Variants in CALCRL observed in about 807,000 individuals in gnomAD.
CALCRL encodes the protein calcitonin receptor like receptor, also known as calcitonin gene-related peptide type 1 receptor.
A neutral mutation model predicts 60.4 loss-of-function variants in CALCRL; 27 were observed. That is an observed-to-expected ratio of 0.45 (90% CI 0.33 to 0.62). The LOEUF is 0.62. Ranked by LOEUF, CALCRL falls within the 20% of genes least tolerant of loss-of-function variation. CALCRL has a pLI of 0.03. For missense variants in CALCRL, 424 were observed against 540.7 expected, an observed-to-expected ratio of 0.78 and a Z score of 2.14; for synonymous variants, 190 against 182.6, an observed-to-expected ratio of 1.04 and a Z score of -0.33.
At chr2:187,407,287 ATT>A (rs1196038912) in intron 1 of CALCRL, among the ~76,000 whole-genome samples, 2 of 152,114 alleles carry the variant, frequency 1.3e-5, no homozygotes, top group East Asian at 3.9e-4. Flanking sequence ...GATAATTAAC[ATT>A]GTTTTATACT....
intron 1 of CALCRL, among the ~76,000 whole-genome samples, chr2:187,394,998 G>C (rs949429227): frequency 6.6e-6 from 1 of 151,996 alleles, no homozygotes; most frequent in Non-Finnish European, 1.5e-5. Flanking sequence ...TTACATGCTA[G>C]ATATAAAAAA....
At chr2:187,428,043 A>G (rs1690226633) in intron 1 of CALCRL, among the ~76,000 whole-genome samples, 1 of 152,232 alleles carries the variant, frequency 6.6e-6, no homozygotes, top group African/African-American at 2.4e-5. Context: ...AATGCAAAGC[A>G]GAACAACTAT....
intron 5 of CALCRL, 114 bp from the exon 6 acceptor site, chr2:187,380,901 C>A (rs1687958737): frequency 5.0e-6 from 3 of 594,782 alleles, no homozygotes; most frequent in Non-Finnish European, 8.6e-6. Flanking sequence ...ACTGAAAATG[C>A]AGACATTATA....
At chr2:187,397,585 A>G (rs529051888) in intron 1 of CALCRL, among the ~76,000 whole-genome samples, 1 of 151,680 alleles carries the variant, frequency 6.6e-6, no homozygotes, top group African/African-American at 2.4e-5. Flanking sequence ...GTGCACTTGT[A>G]TTGCATGAAT....
intron 8 of CALCRL, among the ~76,000 whole-genome samples, chr2:187,374,034 G>A (rs1025668804): frequency 2.7e-4 from 41 of 152,022 alleles, no homozygotes; most frequent in African/African-American, 9.9e-4. Context: ...GGGTGTGGTG[G>A]TGTGTGCCTG....
At chr2:187,438,428 T>C (rs527727789) in intron 1 of CALCRL, among the ~76,000 whole-genome samples, 4 of 152,314 alleles carry the variant, frequency 2.6e-5, no homozygotes, top group African/African-American at 9.6e-5. Context: ...CTGACAAACA[T>C]GTCTGTTTAC....
chr2:187,363,164 A>G (rs1425396200), intron 9 of CALCRL, among the ~76,000 whole-genome samples: 1 of 152,102 alleles, frequency 6.6e-6, no homozygotes, highest in Non-Finnish European at 1.5e-5. Context: ...CTGAGGGAAT[A>G]CTCTGTAGAG....
chr2:187,427,229 G>T (rs1315287662), intron 1 of CALCRL, among the ~76,000 whole-genome samples: 1 of 152,170 alleles, frequency 6.6e-6, no homozygotes, highest in Non-Finnish European at 1.5e-5. Context: ...TTAGGAAGGA[G>T]ATCAAATCGA....
rs1039696766 is a variant in CALCRL at position 187,380,718 on chromosome 2, A to G, written c.254T>C (p.Met85Thr). Residue 85 changes from methionine to threonine, a missense_variant, in exon 6 of 15, where the codon ATG becomes ACG. Physicochemically the swap from Met to Thr is moderately conservative, Grantham distance 81. Transcript: ENST00000392370. ...WNDVAAGTES[M>T]QLCPDYFQDF... ...CTGAAAGTAATCAGGGCAGAGCTGC[A>G]TTGATTCAGTTCCTGCTGCAACATC... 1.9e-6 allele frequency: 3 copies of G among 1,614,138 alleles called. No individual in the cohort carries two copies. The highest frequency in any genetic ancestry group is 2.5e-6 in the Non-Finnish European group (3 of 1,179,986).
intron 8 of CALCRL, among the ~76,000 whole-genome samples, chr2:187,372,407 T>C (rs980672950): frequency 6.6e-6 from 1 of 152,084 alleles, no homozygotes; most frequent in African/African-American, 2.4e-5. Flanking sequence ...TGGCAAGCCC[T>C]AAAGTTACGT....
At position 187,359,056 on chromosome 2, in the gene CALCRL, T is replaced by C; in HGVS notation, c.909+7A>G. 2 of 1,605,974 alleles carry C rather than the reference T, an allele frequency of 1.2e-6. No homozygotes were observed. Among genetic ancestry groups the C allele is most frequent in the Non-Finnish European group, 1.7e-6 (2 of 1,172,644 alleles). ...CAATGATAAGGAAAGGAGAATTTGTTACATACCAGTAAAGCAGCACAAATT... is the reference window on the plus strand; with the variant it reads ...CAATGATAAGGAAAGGAGAATTTGTCACATACCAGTAAAGCAGCACAAATT... On this transcript the variant is annotated splice_region_variant and intron_variant, in intron 12 of 14. Transcript: ENST00000392370.
chr2:187,360,123 A>T (rs952393485), intron 10 of CALCRL, among the ~76,000 whole-genome samples: 1 of 152,074 alleles, frequency 6.6e-6, no homozygotes, highest in Admixed American at 6.6e-5. Flanking sequence ...TGTAGAAAAA[A>T]TAAATCTTTT....
At chr2:187,411,502 G>A (rs1689356108) in intron 1 of CALCRL, among the ~76,000 whole-genome samples, 1 of 152,062 alleles carries the variant, frequency 6.6e-6, no homozygotes, top group Admixed American at 6.6e-5. Flanking sequence ...ATGAATTTGA[G>A]CCAGTTTAAA....
intron 1 of CALCRL, among the ~76,000 whole-genome samples, chr2:187,396,627 C>T (rs1688665452): frequency 6.6e-6 from 1 of 151,696 alleles, no homozygotes. Flanking sequence ...AAAATTATTA[C>T]ATTTAAGCCA....
At chr2:187,408,840 T>G (rs1689241784) in intron 1 of CALCRL, among the ~76,000 whole-genome samples, 1 of 152,126 alleles carries the variant, frequency 6.6e-6, no homozygotes, top group African/African-American at 2.4e-5. Flanking sequence ...AAATGCAGTT[T>G]TTTAATCATT....
At chr2:187,423,593 C>G (rs944192844) in intron 1 of CALCRL, among the ~76,000 whole-genome samples, 1 of 144,866 alleles carries the variant, frequency 6.9e-6, no homozygotes, top group Non-Finnish European at 1.6e-5. Flanking sequence ...AAAATTTACT[C>G]TAAAGTATTT....
intron 12 of CALCRL, among the ~76,000 whole-genome samples, chr2:187,356,349 C>T (rs1686786569): frequency 6.6e-6 from 1 of 152,250 alleles, no homozygotes; most frequent in Non-Finnish European, 1.5e-5. Context: ...AGAAATAACA[C>T]CACACTTCTA....
At position 187,447,746 on chromosome 2, in the gene CALCRL, AT is replaced by A. The variant is rs374953612; in HGVS notation, c.-293+292del. 1.9e-3 allele frequency among the ~76,000 whole-genome samples: 285 copies of A among 152,220 alleles called. 3 individuals are homozygous for A. The highest frequency in any genetic ancestry group is 6.8e-3 in the African/African-American group (281 of 41,568). ...AATATTAGAGCTAATTTTAAAAGAC[AT>A]TGTTCTGTGATTAAGGTATTTGTTC... On this transcript the variant is annotated intron_variant, in intron 1 of 14. Coordinates refer to ENST00000392370, the MANE Select transcript of CALCRL (RefSeq NM_005795.6).
At chr2:187,424,428 G>A (rs1690030325) in intron 1 of CALCRL, among the ~76,000 whole-genome samples, 1 of 141,356 alleles carries the variant, frequency 7.1e-6, no homozygotes, top group Non-Finnish European at 1.6e-5. Flanking sequence ...CCCTTCCTAG[G>A]CATTTCTCAA....
Sources: gnomAD v4.1 joint callset for allele counts (sites outside exome capture counted in the v4.1 genomes callset) on GRCh38, gnomAD v4.1.1 for gene constraint, MANE v1.5 for transcripts, NCBI Gene and HGNC (gene_info 2026-07-23, HGNC 2026-07-21) for gene names.